Variants in LRRC37A observed in about 807,000 individuals in gnomAD.
LRRC37A encodes the protein leucine rich repeat containing 37A.
A neutral mutation model predicts 35.4 loss-of-function variants in LRRC37A; 3 were observed. The observed-to-expected ratio is 0.08, with a 90% CI of 0.04 to 0.22. The LOEUF is 0.22. Ranked by LOEUF, LRRC37A falls within the 10% of genes least tolerant of loss-of-function variation. LRRC37A has a pLI of 1.00. For missense variants in LRRC37A, 67 were observed against 565.3 expected, an observed-to-expected ratio of 0.12 and a Z score of 8.94; for synonymous variants, 23 against 215.0, an observed-to-expected ratio of 0.11 and a Z score of 7.81.
chr17:46,291,985 A>AAAAC (rs1360524355), upstream of LRRC37A, among the ~76,000 whole-genome samples: 10 of 76,662 alleles, frequency 1.3e-4, no homozygotes, highest in Admixed American at 8.9e-4. Flanking sequence ...AAAAAAAAAA[A>AAAAC]AAGCCAATAA....
the LRRC37A span, among the ~76,000 whole-genome samples, chr17:46,253,279 G>C: frequency 6.6e-6 from 1 of 151,040 alleles, no homozygotes; most frequent in South Asian, 2.1e-4. Context: ...TGGCGGCCGG[G>C]CAGAGACGCT....
At chr17:46,285,399 C>G in the LRRC37A span, among the ~76,000 whole-genome samples, 19,435 of 150,906 alleles carry the variant, frequency 0.13, 2 homozygotes, top group Middle Eastern at 0.2. Context: ...CGCCACCACA[C>G]CCGACTAGTT....
chr17:46,277,081 A>G, the LRRC37A span, among the ~76,000 whole-genome samples: 1 of 152,240 alleles, frequency 6.6e-6, no homozygotes, highest in Non-Finnish European at 1.5e-5. Context: ...TTGAGATCAC[A>G]GGTGTGAGCC....
the LRRC37A span, among the ~76,000 whole-genome samples, chr17:46,272,476 G>A: frequency 6.6e-6 from 1 of 152,122 alleles, no homozygotes; most frequent in Non-Finnish European, 1.5e-5. Context: ...GTGCAATGGC[G>A]TGATCACGGC....
At chr17:46,268,634 A>T in the LRRC37A span, 1 of 1,558,178 alleles carries the variant, frequency 6.4e-7, no homozygotes, top group African/African-American at 1.4e-5. Flanking sequence ...GCTATGTGAA[A>T]AGGTTTAACC....
the LRRC37A span, among the ~76,000 whole-genome samples, chr17:46,252,338 G>A: frequency 2.7e-5 from 4 of 146,256 alleles, no homozygotes; most frequent in Admixed American, 2.8e-4. Context: ...CCAAGTAGCT[G>A]GAAATACAGG....
At chr17:46,266,607 G>A in the LRRC37A span, among the ~76,000 whole-genome samples, 1 of 152,218 alleles carries the variant, frequency 6.6e-6, no homozygotes, top group African/African-American at 2.4e-5. Flanking sequence ...TTTAGAGCCT[G>A]GGAACCCTGT....
At chr17:46,258,707 C>CTTTTTTTTTTT in the LRRC37A span, among the ~76,000 whole-genome samples, 2 of 81,124 alleles carry the variant, frequency 2.5e-5, no homozygotes, top group Non-Finnish European at 4.7e-5. Context: ...GACTATTATT[C>CTTTTTTTTTTT]TTTTTTTTTT....
At chr17:46,249,413 A>T in the LRRC37A span, among the ~76,000 whole-genome samples, 1 of 152,212 alleles carries the variant, frequency 6.6e-6, no homozygotes, top group African/African-American at 2.4e-5. Flanking sequence ...CTTCATAGGC[A>T]AATTTAAGGA....
chr17:46,336,307 G>A (rs1387215990), intron 11 of LRRC37A, among the ~76,000 whole-genome samples: 1 of 15,514 alleles, frequency 6.4e-5, no homozygotes, highest in Non-Finnish European at 3.8e-4. Context: ...AACCAGAAAG[G>A]CCAGGCAGGA....
At chr17:46,326,947 T>C (rs2093500921) in intron 7 of LRRC37A, among the ~76,000 whole-genome samples, 1 of 70,264 alleles carries the variant, frequency 1.4e-5, no homozygotes, top group East Asian at 2.7e-4. Flanking sequence ...ATTTACGTAT[T>C]GGAAAAAATT....
the LRRC37A span, among the ~76,000 whole-genome samples, chr17:46,253,146 G>C: frequency 6.7e-6 from 1 of 148,954 alleles, no homozygotes; most frequent in Non-Finnish European, 1.5e-5. Flanking sequence ...TCACCTCCCA[G>C]ATGGGGTCAC....
the LRRC37A span, among the ~76,000 whole-genome samples, chr17:46,286,718 A>AT: frequency 6.6e-6 from 1 of 152,260 alleles, no homozygotes; most frequent in East Asian, 1.9e-4. Context: ...TCTGCTTTTT[A>AT]TTTTAAAGTA....
At chr17:46,269,557 C>T in the LRRC37A span, among the ~76,000 whole-genome samples, 1 of 152,128 alleles carries the variant, frequency 6.6e-6, no homozygotes, top group Admixed American at 6.5e-5. Flanking sequence ...GGCCAGTGTG[C>T]GGATGGGTGG....
At chr17:46,279,504 T>TC in the LRRC37A span, among the ~76,000 whole-genome samples, 2 of 110,144 alleles carry the variant, frequency 1.8e-5, no homozygotes, top group Non-Finnish European at 4.6e-5. Flanking sequence ...TTCTTTCTTT[T>TC]TTTTTTTTTT....
chr17:46,291,235 G>C (rs1247812076), upstream of LRRC37A, among the ~76,000 whole-genome samples: 3 of 152,236 alleles, frequency 2.0e-5, no homozygotes, highest in African/African-American at 7.2e-5. Flanking sequence ...AGATGGTATA[G>C]CGGGTGCACA....
the LRRC37A span, among the ~76,000 whole-genome samples, chr17:46,253,158 G>T: frequency 1.3e-5 from 2 of 149,038 alleles, no homozygotes; most frequent in African/African-American, 4.9e-5. Flanking sequence ...TGGGGTCACG[G>T]CCGGGCAGAG....
chr17:46,316,602 T>A, intron 5 of LRRC37A, among the ~76,000 whole-genome samples: 1 of 73,390 alleles, frequency 1.4e-5, no homozygotes, highest in Admixed American at 1.4e-4. Context: ...TGCCCAGTTT[T>A]TTTTGTTTTT....
chr17:46,276,743 A>T, the LRRC37A span, among the ~76,000 whole-genome samples: 1 of 152,130 alleles, frequency 6.6e-6, no homozygotes. Context: ...ATGCAACAGC[A>T]AGTTGTCTTT....
Sources: gnomAD v4.1 joint callset for allele counts (sites outside exome capture counted in the v4.1 genomes callset) on GRCh38, gnomAD v4.1.1 for gene constraint, MANE v1.5 for transcripts, NCBI Gene and HGNC (gene_info 2026-07-23, HGNC 2026-07-21) for gene names.